Variants in CASK observed in about 807,000 individuals in gnomAD.
CASK encodes peripheral plasma membrane protein CASK.
In CASK, 4 loss-of-function variants were observed where a neutral mutation model predicts 82.9. The observed-to-expected ratio is 0.05, with a 90% CI of 0.02 to 0.11. The LOEUF is 0.11. Ranked by LOEUF, CASK falls within the 10% of genes least tolerant of loss-of-function variation. The pLI is 1.00. For synonymous variants in CASK, 259 were observed against 253.5 expected (o/e 1.02, Z -0.20); for missense variants, 358 against 720.9 (o/e 0.50, Z 5.76).
intron 2 of CASK, among the ~76,000 whole-genome samples, chrX:41,852,254 T>G (rs2071279328): frequency 9.0e-6 from 1 of 111,441 alleles, no homozygotes; most frequent in Non-Finnish European, 1.9e-5. Flanking sequence ...GGGCTTCTAC[T>G]TCCCAAAGTA....
intron 11 of CASK, among the ~76,000 whole-genome samples, chrX:41,613,884 T>C (rs1422232812): frequency 8.9e-6 from 1 of 112,018 alleles, no homozygotes; most frequent in Non-Finnish European, 1.9e-5. Context: ...AAGCTACTGA[T>C]TTTTGTAGCT....
At chrX:41,589,178 C>T (rs772508888) in intron 13 of CASK, among the ~76,000 whole-genome samples, 2 of 112,153 alleles carry the variant, frequency 1.8e-5, no homozygotes, top group South Asian at 7.4e-4. Context: ...AACATTACCA[C>T]CTTCAAAAAG....
intron 8 of CASK, among the ~76,000 whole-genome samples, chrX:41,643,463 T>C (rs1434037103): frequency 8.9e-6 from 1 of 111,920 alleles, no homozygotes; most frequent in Non-Finnish European, 1.9e-5. Context: ...CAGTGGTTTG[T>C]AGCTCTCCTT....
At chrX:41,784,443 AT>A (rs1157478941) in intron 3 of CASK, among the ~76,000 whole-genome samples, 24 of 109,538 alleles carry the variant, frequency 2.2e-4, no homozygotes, top group Admixed American at 4.9e-4. Context: ...ATGAAGTCAG[AT>A]TTTTTTTTTC....
chrX:41,847,778 T>C (rs767267725), intron 2 of CASK, among the ~76,000 whole-genome samples: 26 of 112,292 alleles, frequency 2.3e-4, no homozygotes, highest in Non-Finnish European at 4.1e-4. Context: ...TTTTTATGTG[T>C]GGCCACTTAA....
chrX:41,848,551 A>C (rs753777118), intron 2 of CASK, among the ~76,000 whole-genome samples: 1 of 112,094 alleles, frequency 8.9e-6, no homozygotes, highest in South Asian at 3.7e-4. Context: ...CCAGAAGCAG[A>C]TGCTGGTGTC....
chrX:41,660,970 T>C (rs1393061177), intron 7 of CASK, among the ~76,000 whole-genome samples: 1 of 111,968 alleles, frequency 8.9e-6, no homozygotes, highest in Non-Finnish European at 1.9e-5. Context: ...TAGCAATAAT[T>C]GTGAACTGTG....
intron 16 of CASK, 52 bp downstream of exon 16, chrX:41,569,616 A>G: frequency 5.8e-6 from 5 of 861,787 alleles, no homozygotes; most frequent in Non-Finnish European, 1.7e-6. Context: ...TCACTAGGCT[A>G]CAGGGAAAAA....
chrX:41,589,504 A>T lies in CASK; in HGVS notation c.1233+11T>A. On this transcript the variant is annotated intron_variant, in intron 13 of 26. Coordinates refer to ENST00000378163, the MANE Select transcript of CASK (RefSeq NM_001367721.1). ...ATGATGCCAAATACTTCTATAAAAT[A>T]TATCACTTACCTCTTTGGCTCTCTG... is the stretch of plus-strand genomic sequence containing the variant. 1 of 1,149,115 alleles carries T rather than the reference A, an allele frequency of 8.7e-7. No homozygotes were observed. The highest frequency in any genetic ancestry group is 1.2e-6 in the Non-Finnish European group (1 of 838,870). 94.7% of individuals were successfully genotyped at this position (1,149,115 alleles called of 1,213,427 possible).
intron 1 of CASK, among the ~76,000 whole-genome samples, chrX:41,888,815 A>G (rs540818646): frequency 1.9e-4 from 20 of 105,878 alleles, no homozygotes; most frequent in African/African-American, 4.1e-4. Context: ...ATACATGTAT[A>G]TGTATATATG....
intron 5 of CASK, among the ~76,000 whole-genome samples, chrX:41,715,493 G>A (rs1019616411): frequency 9.1e-6 from 1 of 110,483 alleles, no homozygotes; most frequent in South Asian, 4.0e-4. Flanking sequence ...ATGGTGGTGC[G>A]CACCTGTAAT....
intron 17 of CASK, among the ~76,000 whole-genome samples, chrX:41,560,817 G>T (rs1411579704): frequency 3.7e-5 from 4 of 108,753 alleles, no homozygotes; most frequent in African/African-American, 1.3e-4. Context: ...CTTGAACTCG[G>T]GGGGCAGAGG....
intron 7 of CASK, 103 bp downstream of exon 7, chrX:41,665,174 C>CTGATGGGGTAA: frequency 1.4e-6 from 1 of 693,325 alleles, no homozygotes; most frequent in South Asian, 2.4e-5. Flanking sequence ...GGGGTAACTA[C>CTGATGGGGTAA]CTGGCAGTCA....
chrX:41,777,374 CCCAGCTACTCGGGAGGCTGAGGCACGAG>C (rs2147809902), intron 3 of CASK, among the ~76,000 whole-genome samples: 1 of 109,910 alleles, frequency 9.1e-6, no homozygotes, highest in Admixed American at 9.8e-5. Flanking sequence ...TGCCTGTAGT[CCCAGCTACTCGGGAGGCTGAGGCACGAG>C]AATTGCTTGA....
chrX:41,906,705 G>C (rs189314198), intron 1 of CASK, among the ~76,000 whole-genome samples: 82 of 112,521 alleles, frequency 7.3e-4, no homozygotes, highest in Non-Finnish European at 1.1e-3. Context: ...GATTTCCCAA[G>C]CTTTCATCAT....
At chrX:41,836,591 G>T (rs901383750) in intron 2 of CASK, among the ~76,000 whole-genome samples, 2 of 111,229 alleles carry the variant, frequency 1.8e-5, no homozygotes, top group African/African-American at 6.5e-5. Context: ...ATGTTTCAAA[G>T]AATGAGTTTT....
At chrX:41,741,994 T>C (rs1175517357) in intron 4 of CASK, among the ~76,000 whole-genome samples, 7 of 111,917 alleles carry the variant, frequency 6.3e-5, no homozygotes, top group African/African-American at 2.3e-4. Flanking sequence ...AGGAGGCATT[T>C]CAGGGGTGCA....
chrX:41,602,293 T>C (rs2065904073), intron 12 of CASK, among the ~76,000 whole-genome samples: 1 of 111,916 alleles, frequency 8.9e-6, no homozygotes, highest in Non-Finnish European at 1.9e-5. Flanking sequence ...TAGCATTTTT[T>C]AGTTTTCAGT....
chrX:41,772,038 A>G (rs1160039453), intron 3 of CASK, among the ~76,000 whole-genome samples: 4 of 111,740 alleles, frequency 3.6e-5, no homozygotes, highest in Non-Finnish European at 7.5e-5. Flanking sequence ...TTACTAAAAT[A>G]GAAAACAACA....
Sources: allele counts gnomAD v4.1 joint callset (sites outside exome capture counted in the v4.1 genomes callset), GRCh38; gene constraint gnomAD v4.1.1; transcripts MANE v1.5; gene names NCBI Gene and HGNC (gene_info 2026-07-23, HGNC 2026-07-21).